The following TXLNB variants were observed in gnomAD, a reference collection of about 807,000 sequenced individuals.
TXLNB encodes beta-taxilin.
Under a neutral mutation model 57.4 loss-of-function variants are expected in TXLNB, and 37 were observed. That is an observed-to-expected ratio of 0.64 (90% CI 0.50 to 0.85). TXLNB has a LOEUF of 0.85. Among genes scored for constraint, TXLNB ranks in the 40% least tolerant of loss-of-function variants. TXLNB has a pLI of 0.00. For missense variants in TXLNB, 848 were observed against 825.6 expected (o/e 1.03, Z -0.33); for synonymous variants, 302 against 309.6 (o/e 0.98, Z 0.26).
Position 139,262,453 on chromosome 6 carries a change from A to G in TXLNB, c.882+126T>C, listed in dbSNP as rs535816608. Reference sequence around the variant, plus strand: ...CTGTCTTCATTTTGGCTCGTCAAGGAAATCCAATCCTAAATATTAATCAGT... The same window carrying G: ...CTGTCTTCATTTTGGCTCGTCAAGGGAATCCAATCCTAAATATTAATCAGT... On this transcript the variant is annotated intron_variant, in intron 5 of 9. Transcript: ENST00000358430. 3.9e-6 allele frequency: 3 copies of G among 773,750 alleles called. No individual in the cohort carries two copies. The South Asian group carries it at 1.0e-4, about 26-fold the overall frequency. The allele number at this position is 773,750 out of a possible 1,614,324, so 47.9% of individuals were successfully genotyped here.
At chr6:139,294,837 A>G (rs1227266840), upstream of TXLNB, among the ~76,000 whole-genome samples, 1 of 152,104 alleles carries the variant, frequency 6.6e-6, no homozygotes, top group African/African-American at 2.4e-5. Context: ...TAAAATACAG[A>G]AATTAGCTGG....
At chr6:139,323,373 C>T in the TXLNB span, among the ~76,000 whole-genome samples, 1 of 151,264 alleles carries the variant, frequency 6.6e-6, no homozygotes, top group East Asian at 1.9e-4. Flanking sequence ...ATCTCCGCCT[C>T]CCGAGTTCAA....
intron 4 of TXLNB, 50 bp from the exon 5 acceptor site, chr6:139,262,823 G>A: frequency 6.3e-7 from 1 of 1,579,880 alleles, no homozygotes; most frequent in Non-Finnish European, 8.6e-7. Flanking sequence ...CGGGTTTATA[G>A]AACTCAGCAT....
At chr6:139,257,509 A>T (rs1301463741) in intron 6 of TXLNB, among the ~76,000 whole-genome samples, 1 of 152,186 alleles carries the variant, frequency 6.6e-6, no homozygotes, top group Non-Finnish European at 1.5e-5. Flanking sequence ...GCTCCACCTT[A>T]CTAAACTGGG....
chr6:139,171,835 TG>T, the TXLNB span, among the ~76,000 whole-genome samples: 83 of 151,230 alleles, frequency 5.5e-4, no homozygotes, highest in African/African-American at 1.7e-3. Context: ...TTTGTTGTTG[TG>T]TTTTTTTTTT....
Position 139,242,894 on chromosome 6 carries a change from C to T in TXLNB, c.1687G>A (p.Ala563Thr). The change falls in exon 10 of 10, where the codon GCT (alanine) becomes ACT (threonine). Residue 563 changes from alanine (A) to threonine (T), a missense_variant. Ala to Thr is a moderately conservative substitution (Grantham distance 58). Transcript: ENST00000358430. ...GCATCACTGCCTCCTTCGGCTTCAG[C>T]CTGAGGAGTTAGGGGAGGCAGGGGA... ...ESPLPPLTPQ[A>T]EAEGGSDAEP... 1 of 1,614,102 alleles carries T rather than the reference C, an allele frequency of 6.2e-7. No individual in the cohort carries two copies. The highest frequency in any genetic ancestry group is 8.5e-7 in the Non-Finnish European group (1 of 1,179,996).
the TXLNB span, among the ~76,000 whole-genome samples, chr6:139,167,960 GT>G: frequency 3.9e-5 from 6 of 152,130 alleles, no homozygotes; most frequent in South Asian, 1.2e-3. Flanking sequence ...AAATCTGTCA[GT>G]TCATGTACAA....
At chr6:139,250,388 T>G (rs1462839645) in intron 7 of TXLNB, among the ~76,000 whole-genome samples, 2 of 145,480 alleles carry the variant, frequency 1.4e-5, no homozygotes, top group African/African-American at 5.1e-5. Context: ...AAATACTGGC[T>G]GGAATCCACT....
the TXLNB span, among the ~76,000 whole-genome samples, chr6:139,193,822 T>TTTTATATATATATA: frequency 1.1e-3 from 104 of 92,554 alleles, 2 homozygotes; most frequent in Middle Eastern, 5.6e-3. Context: ...CCTGGCTAAT[T>TTTTATATATATATA]TATATATATA....
At chr6:139,174,735 T>C in the TXLNB span, 1 of 677,574 alleles carries the variant, frequency 1.5e-6, no homozygotes, top group East Asian at 3.8e-5. Flanking sequence ...TATATAATTA[T>C]GTGGGAAGCA....
the TXLNB span, chr6:139,176,812 A>C: frequency 3.1e-6 from 2 of 643,354 alleles, no homozygotes; most frequent in Non-Finnish European, 5.5e-6. The surrounding 1 kb of genome is among the most constrained non-coding windows in gnomAD (Gnocchi z 4.5). Flanking sequence ...CCCCGTTTCC[A>C]TGTTTTTGGT....
chr6:139,323,396 C>T, the TXLNB span, among the ~76,000 whole-genome samples: 1 of 151,706 alleles, frequency 6.6e-6, no homozygotes, highest in Non-Finnish European at 1.5e-5. Context: ...AATTCTCCTG[C>T]CTCAGCCTCC....
the TXLNB span, among the ~76,000 whole-genome samples, chr6:139,222,935 A>C: frequency 1.3e-5 from 2 of 152,246 alleles, no homozygotes; most frequent in Non-Finnish European, 2.9e-5. Context: ...CCAAAAATAA[A>C]TAAACAAATG....
chr6:139,300,200 G>C, the TXLNB span, among the ~76,000 whole-genome samples: 1 of 152,202 alleles, frequency 6.6e-6, no homozygotes, highest in African/African-American at 2.4e-5. Context: ...AAACAGGTGT[G>C]TGGTGGTCAC....
At chr6:139,254,264 T>C (rs1776279607) in intron 7 of TXLNB, among the ~76,000 whole-genome samples, 1 of 152,216 alleles carries the variant, frequency 6.6e-6, no homozygotes, top group South Asian at 2.1e-4. Flanking sequence ...AGTAGTATAA[T>C]CTGTGATTTT....
At chr6:139,248,336 A>G (rs1375794457) in intron 7 of TXLNB, among the ~76,000 whole-genome samples, 1 of 152,060 alleles carries the variant, frequency 6.6e-6, no homozygotes, top group East Asian at 1.9e-4. Context: ...TCTCTACTAA[A>G]AATACAAAAA....
the TXLNB span, among the ~76,000 whole-genome samples, chr6:139,209,403 T>C: frequency 7.9e-5 from 12 of 152,090 alleles, no homozygotes; most frequent in Admixed American, 7.9e-4. Context: ...GCAATTCCCA[T>C]CAAAATACTA....
the TXLNB span, among the ~76,000 whole-genome samples, chr6:139,309,614 G>T: frequency 5.9e-5 from 9 of 152,074 alleles, no homozygotes; most frequent in African/African-American, 2.2e-4. Context: ...TTAATTCCCC[G>T]AAGAGTCTCG....
rs1446955640 is a variant in TXLNB, at chr6:139,242,422, T to G, written c.*104A>C. The G allele has an allele frequency of 5.2e-6, 5 of 954,494 alleles. No individual in the cohort carries two copies. Among genetic ancestry groups the G allele is most frequent in the African/African-American group, 1.7e-5 (1 of 59,038 alleles). 59.1% of individuals were successfully genotyped at this position (954,494 alleles called of 1,614,324 possible). On this transcript the variant is annotated 3_prime_UTR_variant, in exon 10 of 10. Coordinates refer to ENST00000358430, the MANE Select transcript of TXLNB (RefSeq NM_153235.4). ...TTAAAAAATGTCTTGATCCTAAGTC[T>G]CTTCCATTTGACATCTCTAGCCCTT...
Sources: allele counts gnomAD v4.1 joint callset (sites outside exome capture counted in the v4.1 genomes callset), GRCh38; gene constraint gnomAD v4.1.1; non-coding constraint Gnocchi (gnomAD v3.1); transcripts MANE v1.5; gene names NCBI Gene and HGNC (gene_info 2026-07-23, HGNC 2026-07-21).